Variants in TAPBPL observed in about 807,000 individuals in gnomAD.
The protein encoded by TAPBPL is TAP binding protein like.
A neutral mutation model predicts 44.8 loss-of-function variants in TAPBPL; 32 were observed. The ratio of observed to expected loss-of-function variants is 0.71; its 90% confidence interval spans 0.54 to 0.96. TAPBPL has a LOEUF of 0.96. Ranked by LOEUF, TAPBPL falls within the 40% of genes least tolerant of loss-of-function variation. The pLI, the probability that TAPBPL is intolerant of heterozygous loss-of-function variation, is 0.00. For synonymous variants in TAPBPL, 230 were observed against 240.7 expected, an observed-to-expected ratio of 0.96 and a Z score of 0.41; for missense variants, 520 against 586.6, an observed-to-expected ratio of 0.89 and a Z score of 1.17.
chr12:6,456,141 C>CT (rs67061869), intron 3 of TAPBPL, among the ~76,000 whole-genome samples: 1 of 15,274 alleles, frequency 6.5e-5, no homozygotes, highest in African/African-American at 2.2e-4. Context: ...TTTTTTACTG[C>CT]TTTTTCTAAG....
At chr12:6,463,959 G>C (rs1949941049), downstream of TAPBPL, 1 of 1,290,034 alleles carries the variant, frequency 7.8e-7, no homozygotes, top group Admixed American at 2.3e-5. The surrounding 1 kb of genome is among the most constrained non-coding windows in gnomAD (Gnocchi z 4.0). Context: ...GTTGGACTTT[G>C]GTCCACCCCC....
Position 6,462,162 on chromosome 12 carries a change from T to A in TAPBPL, c.*13T>A. ...CCAGCCCAGCTGACCTAAAGCGACA[T>A]GAGACTACTAGAAAGAAACGACACC... On this transcript the variant is annotated 3_prime_UTR_variant, in exon 7 of 7. Transcript: ENST00000266556. 1.3e-6 allele frequency: 2 copies of A among 1,597,942 alleles called. No homozygotes were observed. Among genetic ancestry groups the A allele is most frequent in the Non-Finnish European group, 1.7e-6 (2 of 1,169,646 alleles).
chr12:6,463,583 G>A (rs958168876), downstream of TAPBPL: 2 of 1,063,140 alleles, frequency 1.9e-6, no homozygotes, highest in African/African-American at 3.4e-5. This position sits in a 1 kb window ranked among gnomAD's most constrained non-coding sequence, Gnocchi z 4.0. Context: ...TTAAGCACTT[G>A]ACTCACTGTT....
downstream of TAPBPL, among the ~76,000 whole-genome samples, chr12:6,469,660 C>T (rs1205667031): frequency 6.6e-6 from 1 of 152,154 alleles, no homozygotes; most frequent in Non-Finnish European, 1.5e-5. Context: ...AACATAAATA[C>T]ATCTAGGACC....
downstream of TAPBPL, chr12:6,464,278 G>A: frequency 1.3e-6 from 2 of 1,537,210 alleles, no homozygotes; most frequent in Middle Eastern, 1.7e-4. Context: ...GACTTAGATT[G>A]TGCCACGAGC....
In TAPBPL at chr12:6,452,120, G is replaced by C. The variant is rs376757857; in HGVS notation, c.-129G>C. The C allele has an allele frequency of 5.2e-6, 6 of 1,147,230 alleles. No individual in the cohort carries two copies. In the East Asian group the frequency reaches 1.5e-4, roughly 29 times the overall value. 71.1% of individuals were successfully genotyped at this position (1,147,230 alleles called of 1,614,324 possible). A position where few individuals can be genotyped will look rare whatever the true frequency, so the allele number is the denominator to read the frequency against. On this transcript the variant is annotated 5_prime_UTR_variant, in exon 1 of 7. Coordinates refer to ENST00000266556, the MANE Select transcript of TAPBPL (RefSeq NM_018009.5). ...AGAAAAGTCGGCAGCAGAGGGAACA[G>C]GGAAGAAACCTAAAGGCTGCAGGCT...
chr12:6,465,397 T>C (rs1234568898), downstream of TAPBPL: 11 of 88,854 alleles, frequency 1.2e-4, no homozygotes, highest in African/African-American at 3.8e-4. Context: ...TATATATATA[T>C]ATAAATGTAT....
At chr12:6,466,556 C>T, downstream of TAPBPL, 3 of 475,602 alleles carry the variant, frequency 6.3e-6, no homozygotes, top group Non-Finnish European at 1.1e-5. Flanking sequence ...CATGCATCCT[C>T]ACCCCAAACC....
intron 5 of TAPBPL, 124 bp from the exon 6 acceptor site, chr12:6,460,728 GCTC>G (rs1046891239): frequency 2.5e-6 from 2 of 810,378 alleles, no homozygotes; most frequent in East Asian, 2.5e-5. Flanking sequence ...CTTGTTCCAG[GCTC>G]CTCAACCAGG....
chr12:6,466,507 AC>A (rs1294029533), downstream of TAPBPL: 6 of 667,614 alleles, frequency 9.0e-6, no homozygotes, highest in African/African-American at 9.1e-5. Flanking sequence ...TCATAGCGAG[AC>A]CCCATCTCTA....
At chr12:6,463,060 T>C (rs1449654992), downstream of TAPBPL, 2 of 1,539,444 alleles carry the variant, frequency 1.3e-6, no homozygotes, top group South Asian at 1.2e-5. The surrounding 1 kb of genome is among the most constrained non-coding windows in gnomAD (Gnocchi z 4.0). Flanking sequence ...CACCTGGGCT[T>C]ATCCCACATT....
chr12:6,466,146 A>G (rs1565527077), downstream of TAPBPL: 11 of 1,612,098 alleles, frequency 6.8e-6, no homozygotes, highest in Non-Finnish European at 9.3e-6. Context: ...CTACGAAAAA[A>G]GGAGAAAAGA....
intron 6 of TAPBPL, chr12:6,461,143 C>T (rs1949849436): frequency 7.2e-7 from 1 of 1,394,756 alleles, no homozygotes; most frequent in Non-Finnish European, 9.3e-7. Flanking sequence ...TAAAGTCTGT[C>T]ACTCTCCTGC....
At chr12:6,455,254 G>A (rs376017143) in intron 3 of TAPBPL, among the ~76,000 whole-genome samples, 17 of 151,940 alleles carry the variant, frequency 1.1e-4, no homozygotes, top group Middle Eastern at 3.2e-3. Flanking sequence ...AACCCCAAAC[G>A]CATGTTTGAA....
Position 6,453,614 on chromosome 12 carries a change from AT to A in TAPBPL, c.464del (p.Ile155ThrfsTer4). On this transcript the variant is annotated frameshift_variant, in exon 3 of 7. Coordinates refer to ENST00000266556, the MANE Select transcript of TAPBPL (RefSeq NM_018009.5). LOFTEE classifies it high-confidence loss of function. The surrounding 1 kb of genome is among the most constrained non-coding windows in gnomAD (Gnocchi z 4.8). ...NMQVSGGGPSISLVMKTPRVT... is the reference protein window; with the variant it reads ...NMQVSGGGPSXSLVMKTPRVT... The stretch of plus-strand genomic sequence containing the variant: ...GCAGGTCTCTGGAGGGGGACCTAGC[AT>A]CTCCTTGGTGATGAAGACTCCCAGG... 1 of 1,614,144 alleles carries A rather than the reference AT, an allele frequency of 6.2e-7. No homozygotes were observed. Among genetic ancestry groups the A allele is most frequent in the Non-Finnish European group, 8.5e-7 (1 of 1,180,014 alleles).
At chr12:6,468,379 AAAGGCAAAGTCTATGTAGGTGGAGTG>A, downstream of TAPBPL, among the ~76,000 whole-genome samples, 1 of 152,224 alleles carries the variant, frequency 6.6e-6, no homozygotes, top group African/African-American at 2.4e-5. Context: ...GAAAATCACC[AAAGGCAAAGTCTATGTAGGTGGAGTG>A]AGTCAGGACT....
At chr12:6,462,010 C>G (rs747950246) in intron 6 of TAPBPL, 24 bp from the exon 7 acceptor site, 1 of 1,597,540 alleles carries the variant, frequency 6.3e-7, no homozygotes, top group South Asian at 1.1e-5. Context: ...CACGCAACTT[C>G]CTGTCTTCAC....
downstream of TAPBPL, chr12:6,462,342 C>T (rs1332968522): frequency 3.6e-6 from 2 of 556,244 alleles, no homozygotes; most frequent in African/African-American, 1.9e-5. Context: ...TTACTCTATA[C>T]AAGTATGAGA....
intron 1 of TAPBPL, among the ~76,000 whole-genome samples, chr12:6,452,834 C>A (rs1169887351): frequency 6.6e-6 from 1 of 152,236 alleles, no homozygotes; most frequent in East Asian, 1.9e-4. Flanking sequence ...CTCCTCTGAG[C>A]AAGGCAAATC....
Sources: gnomAD v4.1 joint callset for allele counts (sites outside exome capture counted in the v4.1 genomes callset) on GRCh38, gnomAD v4.1.1 for gene constraint, Gnocchi (gnomAD v3.1) non-coding constraint, MANE v1.5 for transcripts, NCBI Gene and HGNC (gene_info 2026-07-23, HGNC 2026-07-21) for gene names.